TPO: variants seen among roughly 807,000 people sequenced by gnomAD.
The protein encoded by TPO is thyroid peroxidase.
TPO carries 78 observed loss-of-function variants against 96.9 expected under a neutral mutation model. That is an observed-to-expected ratio of 0.81 (90% CI 0.67 to 0.97). The LOEUF (loss-of-function observed/expected upper bound fraction) is 0.97, where lower values mean the gene tolerates loss of function less well. TPO is among the 50% of genes least tolerant of loss of function. TPO has a pLI of 0.00. For missense variants in TPO, 1,252 were observed against 1,274.8 expected, an observed-to-expected ratio of 0.98 and a Z score of 0.27; for synonymous variants, 547 against 538.0, an observed-to-expected ratio of 1.02 and a Z score of -0.23.
intron 13 of TPO, among the ~76,000 whole-genome samples, chr2:1,500,374 A>G (rs1287683614): frequency 6.6e-6 from 1 of 152,248 alleles, no homozygotes; most frequent in Non-Finnish European, 1.5e-5. Flanking sequence ...AAAATCTGGT[A>G]CAAATGCGTG....
chr2:1,423,841 A>G lies in TPO; in HGVS notation c.179+712A>G, dbSNP rs114063746. Among the ~76,000 whole-genome samples the G allele has an allele frequency of 1.2e-3, 189 of 152,350 alleles. 2 individuals are homozygous for G. Among genetic ancestry groups the G allele is most frequent in the African/African-American group, 4.3e-3 (177 of 41,588 alleles). ...ACAAATTATTATTTATTTTCTAAAA[A>G]TTGAATCAAAGGGAAAAGAAAGAGA... On this transcript the variant is annotated intron_variant, in intron 3 of 16. Transcript: ENST00000329066.
At chr2:1,407,114 C>A (rs1461893142) in intron 1 of TPO, among the ~76,000 whole-genome samples, 1 of 152,136 alleles carries the variant, frequency 6.6e-6, no homozygotes, top group African/African-American at 2.4e-5. Flanking sequence ...GACATGCAGC[C>A]CTCAAGACAA....
chr2:1,476,689 G>C (rs1392107611), intron 7 of TPO, among the ~76,000 whole-genome samples: 1 of 152,258 alleles, frequency 6.6e-6, no homozygotes, highest in Non-Finnish European at 1.5e-5. Context: ...AAGAGCGTCT[G>C]AGCTTTGGGG....
chr2:1,396,893 T>C (rs2148367300), intron 1 of TPO, among the ~76,000 whole-genome samples: 1 of 152,346 alleles, frequency 6.6e-6, no homozygotes, highest in South Asian at 2.1e-4. Flanking sequence ...GTTAAATAGT[T>C]AATGCATTAT....
intron 5 of TPO, among the ~76,000 whole-genome samples, 198 bp from the exon 6 acceptor site, chr2:1,453,496 C>T (rs1667501028): frequency 6.6e-6 from 1 of 152,140 alleles, no homozygotes; most frequent in African/African-American, 2.4e-5. Flanking sequence ...GGAACCAAGC[C>T]TCTGGAATGA....
At chr2:1,419,547 A>G (rs1365617183) in intron 2 of TPO, among the ~76,000 whole-genome samples, 1 of 152,228 alleles carries the variant, frequency 6.6e-6, no homozygotes, top group African/African-American at 2.4e-5. Context: ...CAGAAAGGAC[A>G]GAAATTCATC....
chr2:1,531,122 C>A (rs1205101952), intron 15 of TPO, among the ~76,000 whole-genome samples: 11 of 85,936 alleles, frequency 1.3e-4, no homozygotes, highest in African/African-American at 4.9e-4. Context: ...CCACTGTGTG[C>A]AACCTCCCCA....
intron 2 of TPO, among the ~76,000 whole-genome samples, chr2:1,415,757 G>T (rs563592841): frequency 3.9e-5 from 6 of 152,334 alleles, no homozygotes; most frequent in African/African-American, 1.4e-4. Context: ...AGGACTGGAG[G>T]CCTTGTCTGT....
At chr2:1,482,066 G>A (rs983308213) in intron 8 of TPO, among the ~76,000 whole-genome samples, 2 of 152,230 alleles carry the variant, frequency 1.3e-5, no homozygotes, top group Non-Finnish European at 2.9e-5. Context: ...GACTAATAGG[G>A]CATGTTTGAG....
chr2:1,425,039 T>C (rs1344646200), intron 3 of TPO, among the ~76,000 whole-genome samples: 5 of 115,496 alleles, frequency 4.3e-5, no homozygotes, highest in African/African-American at 3.1e-5. Context: ...GTGCCCCTTC[T>C]GTAAAGTCAT....
chr2:1,454,880 C>G (rs1404481309), intron 6 of TPO, among the ~76,000 whole-genome samples: 6 of 152,220 alleles, frequency 3.9e-5, no homozygotes. Flanking sequence ...TTCTACCCAG[C>G]TGTGACAAAT....
chr2:1,427,949 T>G (rs907943045), intron 3 of TPO, among the ~76,000 whole-genome samples: 1 of 152,144 alleles, frequency 6.6e-6, no homozygotes, highest in African/African-American at 2.4e-5. Context: ...ACAGAAGAGC[T>G]AAAGGAGTGT....
chr2:1,385,073 T>C (rs1194946385), intron 1 of TPO, among the ~76,000 whole-genome samples: 4 of 152,158 alleles, frequency 2.6e-5, no homozygotes. Flanking sequence ...CATTTGATCA[T>C]GGATAAGCTT....
chr2:1,448,589 A>T (rs1183506568), intron 5 of TPO, among the ~76,000 whole-genome samples: 7 of 151,952 alleles, frequency 4.6e-5, no homozygotes, highest in African/African-American at 1.7e-4. Context: ...CCTCTCAGCC[A>T]CTCCTCGGCA....
rs376648317 is a variant in TPO, at chr2:1,493,970, G to A, written c.1937G>A (p.Arg646Lys). The A allele has an allele frequency of 7.4e-5, 120 of 1,614,048 alleles. No homozygotes were observed. The highest frequency in any genetic ancestry group is 9.9e-5 in the Non-Finnish European group (117 of 1,180,028). ...LGGLAENFLP[R>K]ARTGPLFACL... ...GGCTTAGCTGAAAACTTCCTCCCCAGGGCTCGGACAGGGCCCCTGTTTGCC... is the reference window on the plus strand; with the variant it reads ...GGCTTAGCTGAAAACTTCCTCCCCAAGGCTCGGACAGGGCCCCTGTTTGCC... The change falls in exon 11 of 17, where the codon AGG (arginine) becomes AAG (lysine). Residue 646 changes from arginine to lysine, a missense_variant. By Grantham distance (26) the Arg-to-Lys change is conservative (BLOSUM62 2). Transcript: ENST00000329066.
chr2:1,493,631 G>C (rs140425267), intron 10 of TPO, among the ~76,000 whole-genome samples, 171 bp from the exon 11 acceptor site: 1,821 of 137,580 alleles, frequency 0.013, 141 homozygotes, highest in African/African-American at 0.055. Context: ...GGACTCTGCC[G>C]GGCGTCGGAG....
intron 1 of TPO, among the ~76,000 whole-genome samples, chr2:1,402,012 A>G (rs1396476278): frequency 1.3e-5 from 2 of 152,200 alleles, no homozygotes; most frequent in East Asian, 3.9e-4. Context: ...GGGCAGGTGG[A>G]GGGCACCCAA....
Position 1,512,302 on chromosome 2 carries a change from T to G in TPO, c.2519-4581T>G, listed in dbSNP as rs182801313. The stretch of plus-strand genomic sequence containing the variant: ...CTTTTCTATAAACGCTGAAGCCAAA[T>G]GTGTCTCTAGAGTTGAGACGTTCCC... On this transcript the variant is annotated intron_variant, in intron 14 of 16. Coordinates refer to ENST00000329066, the MANE Select transcript of TPO (RefSeq NM_001206744.2). 1.3e-4 allele frequency: 91 copies of G among 677,842 alleles called. No homozygotes were observed. In the African/African-American group the frequency reaches 1.5e-3, roughly 11 times the overall value. 42.0% of individuals were successfully genotyped at this position (677,842 alleles called of 1,614,324 possible).
intron 7 of TPO, among the ~76,000 whole-genome samples, chr2:1,457,865 A>G (rs1046327410): frequency 6.6e-6 from 1 of 152,018 alleles, no homozygotes; most frequent in Non-Finnish European, 1.5e-5. Context: ...GTGTATTAGC[A>G]TATATGATCT....
Sources: gnomAD v4.1 joint callset for allele counts (sites outside exome capture counted in the v4.1 genomes callset) on GRCh38, gnomAD v4.1.1 for gene constraint, MANE v1.5 for transcripts, NCBI Gene and HGNC (gene_info 2026-07-23, HGNC 2026-07-21) for gene names.